DCLK1: variants seen among roughly 807,000 people sequenced by gnomAD.
The protein encoded by DCLK1 is doublecortin like kinase 1.
In DCLK1, 16 loss-of-function variants were observed where a neutral mutation model predicts 86.2. That is an observed-to-expected ratio of 0.19 (90% CI 0.13 to 0.28). The LOEUF is 0.28. Ranked by LOEUF, DCLK1 falls within the 10% of genes least tolerant of loss-of-function variation. DCLK1 has a pLI of 1.00. For missense variants in DCLK1, 590 were observed against 940.2 expected (o/e 0.63, Z 4.87); for synonymous variants, 369 against 370.5 (o/e 1.00, Z 0.05).
intron 6 of DCLK1, chr13:35,847,594 C>T: frequency 1.1e-6 from 1 of 880,912 alleles, no homozygotes; most frequent in South Asian, 5.5e-5. Context: ...AGAAATCTGA[C>T]TTGCACACTT....
chr13:36,095,850 G>A (rs916122037), intron 3 of DCLK1, among the ~76,000 whole-genome samples: 3 of 151,972 alleles, frequency 2.0e-5, no homozygotes, highest in African/African-American at 7.3e-5. Flanking sequence ...AAAGATAGAG[G>A]ATTTTGTCTT....
chr13:35,839,927 T>G (rs1438789295), intron 6 of DCLK1, among the ~76,000 whole-genome samples: 1 of 152,258 alleles, frequency 6.6e-6, no homozygotes, highest in African/African-American at 2.4e-5. Context: ...AATGAATGTT[T>G]CCATCTCTGC....
chr13:35,846,020 C>T, intron 6 of DCLK1: 2 of 985,436 alleles, frequency 2.0e-6, no homozygotes, highest in Non-Finnish European at 2.4e-6. Flanking sequence ...AATGAAACCA[C>T]AGCACAAAGT....
At chr13:35,807,946 G>T (rs1029869069) in intron 14 of DCLK1, among the ~76,000 whole-genome samples, 3 of 152,196 alleles carry the variant, frequency 2.0e-5, no homozygotes, top group Non-Finnish European at 4.4e-5. Flanking sequence ...CAAGCCTGGC[G>T]AGGGTGGGGC....
intron 6 of DCLK1, among the ~76,000 whole-genome samples, chr13:35,840,669 C>G (rs941340793): frequency 6.6e-6 from 1 of 152,168 alleles, no homozygotes; most frequent in Admixed American, 6.5e-5. Flanking sequence ...TCTTTTGTAA[C>G]CAGCAGCACA....
chr13:35,826,539 A>AG lies in DCLK1; in HGVS notation c.1407+1095_1407+1096insC, dbSNP rs776444323. On this transcript the variant is annotated intron_variant, in intron 10 of 16. Coordinates refer to ENST00000360631, the MANE Select transcript of DCLK1 (RefSeq NM_001330071.2). The stretch of plus-strand genomic sequence containing the variant: ...ACTCCATCTCAAAAAAAAAAAAAAA[A>AG]AAAGAAAGAAAGAAAGAAAGAAACA... Among the ~76,000 whole-genome samples the AG allele has an allele frequency of 1.9e-3, 85 of 45,264 alleles. 3 individuals are homozygous for AG. Among genetic ancestry groups the AG allele is most frequent in the African/African-American group, 4.4e-3 (81 of 18,264 alleles). The allele number at this position is 45,264 out of a possible 152,430, so 29.7% of individuals were successfully genotyped here.
intron 3 of DCLK1, among the ~76,000 whole-genome samples, chr13:35,999,922 T>G (rs1880639096): frequency 6.6e-6 from 1 of 152,130 alleles, no homozygotes; most frequent in Non-Finnish European, 1.5e-5. Flanking sequence ...AATCTCCCAA[T>G]CCACCCAAAC....
At chr13:36,098,316 A>T (rs1885084870) in intron 3 of DCLK1, among the ~76,000 whole-genome samples, 1 of 152,220 alleles carries the variant, frequency 6.6e-6, no homozygotes, top group South Asian at 2.1e-4. Context: ...TTGATTCATT[A>T]CACAAGGTGT....
At chr13:36,088,300 G>A (rs937059758) in intron 3 of DCLK1, among the ~76,000 whole-genome samples, 1 of 152,162 alleles carries the variant, frequency 6.6e-6, no homozygotes, top group African/African-American at 2.4e-5. Flanking sequence ...AGGCACTGAG[G>A]GCTGAGTCCA....
At chr13:35,829,139 G>A (rs1013926008) in intron 8 of DCLK1, among the ~76,000 whole-genome samples, 1 of 152,128 alleles carries the variant, frequency 6.6e-6, no homozygotes, top group Non-Finnish European at 1.5e-5. Flanking sequence ...GAGTTCTCCA[G>A]GCCCCTGCTC....
At chr13:35,852,082 G>C (rs927344614) in intron 6 of DCLK1, among the ~76,000 whole-genome samples, 1 of 151,896 alleles carries the variant, frequency 6.6e-6, no homozygotes, top group African/African-American at 2.4e-5. Context: ...AACACAGAAG[G>C]AAAAAATAGA....
At chr13:36,076,041 T>G (rs1884201182) in intron 3 of DCLK1, among the ~76,000 whole-genome samples, 1 of 152,108 alleles carries the variant, frequency 6.6e-6, no homozygotes, top group Admixed American at 6.6e-5. Context: ...AATGCTAATT[T>G]TGTCTTCTTG....
At chr13:35,947,691 A>G (rs976233201) in intron 3 of DCLK1, among the ~76,000 whole-genome samples, 46 of 152,210 alleles carry the variant, frequency 3.0e-4, no homozygotes, top group Non-Finnish European at 3.7e-4. Context: ...TAACTGTCAC[A>G]TTTATTACTT....
At chr13:35,867,967 G>GAAAGAAAGAA (rs1871974255) in intron 5 of DCLK1, among the ~76,000 whole-genome samples, 1 of 46,208 alleles carries the variant, frequency 2.2e-5, no homozygotes, top group South Asian at 8.2e-4. Context: ...GAAAGAAAGA[G>GAAAGAAAGAA]AAAAAGAAAG....
Position 35,892,884 on chromosome 13 carries a change from C to T in DCLK1, c.824-21544G>A, listed in dbSNP as rs146344194. On this transcript the variant is annotated intron_variant, in intron 4 of 16. Coordinates refer to ENST00000360631, the MANE Select transcript of DCLK1 (RefSeq NM_001330071.2). ...AATAGCCTTGGATGATTCTGGAAAACTTTTCTTGGCTGCAAGCATAAATGG... is the reference window on the plus strand; with the variant it reads ...AATAGCCTTGGATGATTCTGGAAAATTTTTCTTGGCTGCAAGCATAAATGG... Among the ~76,000 whole-genome samples, 446 of 152,284 alleles carry T rather than the reference C, an allele frequency of 2.9e-3. 5 individuals carry two copies. The highest frequency in any genetic ancestry group is 0.01 in the African/African-American group (421 of 41,544).
chr13:35,832,025 G>A (rs935544362), intron 8 of DCLK1, among the ~76,000 whole-genome samples: 1 of 152,180 alleles, frequency 6.6e-6, no homozygotes, highest in Non-Finnish European at 1.5e-5. Flanking sequence ...AGGCATGGTG[G>A]TTCACACCTG....
At chr13:35,931,980 A>ATGG in intron 4 of DCLK1, among the ~76,000 whole-genome samples, 1 of 152,272 alleles carries the variant, frequency 6.6e-6, no homozygotes, top group East Asian at 1.9e-4. Flanking sequence ...TGTAACTGTG[A>ATGG]TGGTTAATTT....
chr13:35,948,220 T>G (rs574566647), intron 3 of DCLK1, among the ~76,000 whole-genome samples: 1 of 152,328 alleles, frequency 6.6e-6, no homozygotes, highest in South Asian at 2.1e-4. Flanking sequence ...CTCTCTGTCT[T>G]TGGATAGACT....
At chr13:36,014,116 CT>C (rs1482941721) in intron 3 of DCLK1, among the ~76,000 whole-genome samples, 1 of 152,188 alleles carries the variant, frequency 6.6e-6, no homozygotes. Flanking sequence ...CTGGCACTCC[CT>C]TAGTGAGATG....
Sources: gnomAD v4.1 joint callset for allele counts (sites outside exome capture counted in the v4.1 genomes callset) on GRCh38, gnomAD v4.1.1 for gene constraint, MANE v1.5 for transcripts, NCBI Gene and HGNC (gene_info 2026-07-23, HGNC 2026-07-21) for gene names.